SCN2A: variants seen among roughly 807,000 people sequenced by gnomAD.
The protein encoded by SCN2A is sodium channel protein type 2 subunit alpha.
A neutral mutation model predicts 188.7 loss-of-function variants in SCN2A; 20 were observed. The ratio of observed to expected loss-of-function variants is 0.11; its 90% CI spans 0.07 to 0.15. SCN2A has a LOEUF of 0.15. Among genes scored for constraint, SCN2A ranks in the 10% least tolerant of loss-of-function variants. The pLI, the probability that SCN2A is intolerant of heterozygous loss-of-function variation, is 1.00. For synonymous variants in SCN2A, 804 were observed against 833.1 expected (o/e 0.97, Z 0.60); for missense variants, 1,278 against 2,445.0 (o/e 0.52, Z 10.07).
At chr2:165,352,796 T>A (rs1222993542) in intron 16 of SCN2A, among the ~76,000 whole-genome samples, 4 of 152,208 alleles carry the variant, frequency 2.6e-5, no homozygotes, top group Admixed American at 2.6e-4. Flanking sequence ...TCTCAAGACT[T>A]GTCATTATGT....
chr2:165,287,172 AG>A (rs1276505439), intron 1 of SCN2A, among the ~76,000 whole-genome samples: 1 of 152,232 alleles, frequency 6.6e-6, no homozygotes, highest in Non-Finnish European at 1.5e-5. Flanking sequence ...GCAACTTGAG[AG>A]GTCCAAGTGC....
chr2:165,343,116 T>C (rs1699397447), intron 15 of SCN2A, among the ~76,000 whole-genome samples: 1 of 152,164 alleles, frequency 6.6e-6, no homozygotes, highest in Non-Finnish European at 1.5e-5. Flanking sequence ...CCAGTGAAAG[T>C]TTGATATGTT....
At chr2:165,385,143 T>C (rs1701802058) in intron 25 of SCN2A, among the ~76,000 whole-genome samples, 1 of 152,042 alleles carries the variant, frequency 6.6e-6, no homozygotes, top group Admixed American at 6.6e-5. Flanking sequence ...AAAATCACCA[T>C]TGGAAGTAAT....
intron 17 of SCN2A, among the ~76,000 whole-genome samples, chr2:165,358,265 T>G (rs1559386672): frequency 6.6e-6 from 1 of 152,166 alleles, no homozygotes; most frequent in Non-Finnish European, 1.5e-5. Flanking sequence ...TTACTGTACT[T>G]AAGTCTTGAC....
At chr2:165,380,899 T>G (rs1574731793) in intron 24 of SCN2A, 170 bp downstream of exon 24, 1 of 703,942 alleles carries the variant, frequency 1.4e-6, no homozygotes, top group East Asian at 2.7e-5. Flanking sequence ...TCAGATAGCA[T>G]GTTTTTGATA....
intron 11 of SCN2A, among the ~76,000 whole-genome samples, chr2:165,317,827 T>C (rs1486007590): frequency 6.6e-6 from 1 of 151,910 alleles, no homozygotes; most frequent in Admixed American, 6.6e-5. Context: ...AAAAATAGAG[T>C]TAAAGACTTT....
rs1574706115 is a variant in SCN2A, at chr2:165,370,598, C to T, written c.3849+299C>T. 9.6e-6 allele frequency: 3 copies of T among 310,990 alleles called. No individual in the cohort carries two copies. In the South Asian group the frequency reaches 1.4e-4, roughly 14 times the overall value. The allele number at this position is 310,990 out of a possible 1,614,324, so 19.3% of individuals were successfully genotyped here. ...ATTTAGAAATTTTGCTTTTTGCACA[C>T]TCACATTTCGCAAAATAACTTGTAT... On this transcript the variant is annotated intron_variant, in intron 20 of 26. Coordinates refer to ENST00000375437, the MANE Select transcript of SCN2A (RefSeq NM_001040142.2).
chr2:165,257,955 TC>T (rs1694403221), intron 1 of SCN2A, among the ~76,000 whole-genome samples: 1 of 152,088 alleles, frequency 6.6e-6, no homozygotes, highest in Non-Finnish European at 1.5e-5. Flanking sequence ...TCTGCTCACG[TC>T]CTTTGCCCAC....
At chr2:165,323,543 A>T (rs1299980713) in intron 12 of SCN2A, 43 bp downstream of exon 12, 2 of 1,531,784 alleles carry the variant, frequency 1.3e-6, no homozygotes, top group Non-Finnish European at 1.8e-6. Flanking sequence ...GAGAGTTGTG[A>T]CTGGTGCAGG....
chr2:165,373,616 A>T lies in SCN2A; in HGVS notation c.3972+269A>T, dbSNP rs201388491. On this transcript the variant is annotated intron_variant, in intron 21 of 26. Coordinates refer to ENST00000375437, the MANE Select transcript of SCN2A (RefSeq NM_001040142.2). The stretch of plus-strand genomic sequence containing the variant: ...CTCTATAGTTATGCTGCTGATTTGA[A>T]TCAAGATTATTTATGTTCACTTCAT... Among the ~76,000 whole-genome samples the T allele has an allele frequency of 3.9e-5, 6 of 152,234 alleles. No individual in the cohort carries two copies. The East Asian group carries it at 1.2e-3, about 29-fold the overall frequency.
intron 17 of SCN2A, among the ~76,000 whole-genome samples, chr2:165,359,254 G>T (rs1227715629): frequency 6.6e-6 from 1 of 152,048 alleles, no homozygotes. Context: ...TATACACAGG[G>T]ACTACAGATA....
chr2:165,380,844 T>C, intron 24 of SCN2A, 115 bp downstream of exon 24: 1 of 886,156 alleles, frequency 1.1e-6, no homozygotes, highest in Non-Finnish European at 1.7e-6. Context: ...TCAGAAATTA[T>C]TTTGAGACAT....
At chr2:165,289,511 A>G (rs535337178) in intron 1 of SCN2A, among the ~76,000 whole-genome samples, 56 of 152,214 alleles carry the variant, frequency 3.7e-4, no homozygotes, top group East Asian at 7.7e-4. Context: ...AAGTTGTAAC[A>G]CAAAATCTTC....
In SCN2A at chr2:165,256,000, C is replaced by CTTTTTTTTTTTTT. The variant is rs765804959; in HGVS notation, c.-52+16368_-52+16380dup. On this transcript the variant is annotated intron_variant, in intron 1 of 26. Coordinates refer to ENST00000375437, the MANE Select transcript of SCN2A (RefSeq NM_001040142.2). ...AAATGTTTTCATTTGGGGCTCTTTT[C>CTTTTTTTTTTTTT]TTTTTTTTTTTTTTTTTTTTGGTGA... is the stretch of plus-strand genomic sequence containing the variant. 8.3e-4 allele frequency among the ~76,000 whole-genome samples: 73 copies of CTTTTTTTTTTTTT among 88,478 alleles called. 1 individual carries two copies. Among genetic ancestry groups the CTTTTTTTTTTTTT allele is most frequent in the African/African-American group, 2.0e-3 (41 of 20,572 alleles). 58.0% of individuals were successfully genotyped at this position (88,478 alleles called of 152,430 possible). A position where few individuals can be genotyped will look rare whatever the true frequency, so the allele number is the denominator to read the frequency against.
intron 10 of SCN2A, among the ~76,000 whole-genome samples, chr2:165,315,139 C>T (rs1275414779): frequency 2.0e-5 from 3 of 152,092 alleles, no homozygotes; most frequent in African/African-American, 7.2e-5. Flanking sequence ...CTTTAATTCC[C>T]ATATTATTTC....
intron 1 of SCN2A, chr2:165,294,110 C>T (rs1696367645): frequency 5.2e-6 from 5 of 969,942 alleles, no homozygotes; most frequent in Non-Finnish European, 6.1e-6. Flanking sequence ...CAATCCCAAA[C>T]TCTGGGTGTA....
At chr2:165,340,758 G>A (rs1699267638) in intron 14 of SCN2A, among the ~76,000 whole-genome samples, 1 of 152,196 alleles carries the variant, frequency 6.6e-6, no homozygotes. Flanking sequence ...AGCATCCAGG[G>A]AGGTGTGGAT....
At chr2:165,251,262 TGTGATGTTCTAATATAATAG>T (rs1401037929) in intron 1 of SCN2A, among the ~76,000 whole-genome samples, 2 of 152,070 alleles carry the variant, frequency 1.3e-5, no homozygotes, top group African/African-American at 4.8e-5. Context: ...GACAAGTATT[TGTGATGTTCTAATATAATAG>T]GTGGTAAGAA....
intron 16 of SCN2A, among the ~76,000 whole-genome samples, chr2:165,351,789 G>T (rs1484574083): frequency 6.6e-6 from 1 of 151,552 alleles, no homozygotes; most frequent in African/African-American, 2.4e-5. Flanking sequence ...ATTATGATCT[G>T]GTATTGATAC....
Sources: allele counts gnomAD v4.1 joint callset (sites outside exome capture counted in the v4.1 genomes callset), GRCh38; gene constraint gnomAD v4.1.1; transcripts MANE v1.5; gene names NCBI Gene and HGNC (gene_info 2026-07-23, HGNC 2026-07-21).